PAH: variants seen among roughly 807,000 people sequenced by gnomAD.
PAH encodes phenylalanine hydroxylase.
Under a neutral mutation model 62.0 loss-of-function variants are expected in PAH, and 64 were observed. The ratio of observed to expected loss-of-function variants is 1.03; its 90% confidence interval spans 0.84 to 1.27. The LOEUF (loss-of-function observed/expected upper bound fraction) is 1.27. Ranked by LOEUF, PAH falls within the 50% of genes most tolerant of loss-of-function variation. The pLI is 0.00. For synonymous variants in PAH, 195 were observed against 196.2 expected (o/e 0.99, Z 0.05); for missense variants, 579 against 542.8 (o/e 1.07, Z -0.66).
At position 102,880,061 on chromosome 12, in the gene PAH, A is replaced by G. The variant is rs975720700; in HGVS notation, c.353-2511T>C. 3.9e-5 allele frequency among the ~76,000 whole-genome samples: 6 copies of G among 152,284 alleles called. No individual in the cohort carries two copies. The East Asian group carries it at 1.2e-3, about 29-fold the overall frequency. ...TTATTATCCCGTTTTACAGATGAAGAAACTGAGGAACAATGAGGGCAAGTC... is the reference window on the plus strand; with the variant it reads ...TTATTATCCCGTTTTACAGATGAAGGAACTGAGGAACAATGAGGGCAAGTC... On this transcript the variant is annotated intron_variant, in intron 3 of 12. Transcript: ENST00000553106.
intron 3 of PAH, among the ~76,000 whole-genome samples, chr12:102,880,003 A>G (rs771344156): frequency 2.6e-5 from 4 of 152,108 alleles, no homozygotes; most frequent in Admixed American, 2.0e-4. Context: ...TACCCCCTTC[A>G]ATTTCTGCAA....
chr12:102,932,927 A>T (rs897908261), intron 1 of PAH, among the ~76,000 whole-genome samples: 1 of 152,254 alleles, frequency 6.6e-6, no homozygotes, highest in Non-Finnish European at 1.5e-5. Context: ...GCTTATACTC[A>T]TGGAAAATAG....
In PAH at chr12:102,837,238, A is replaced by G. The variant is rs897217639; in HGVS notation, c.*1937T>C. ...GCACATTACCAAAAATACAAATATT[A>G]TCTTTCATTCAGTATGTAACTTCCT... On this transcript the variant is annotated 3_prime_UTR_variant, in exon 13 of 13. Coordinates refer to ENST00000553106, the MANE Select transcript of PAH (RefSeq NM_000277.3). 1 of 152,226 alleles carries G rather than the reference A, an allele frequency of 6.6e-6. No individual in the cohort carries two copies. Among genetic ancestry groups the G allele is most frequent in the African/African-American group, 2.4e-5 (1 of 41,468 alleles). The allele number at this position is 152,226 out of a possible 1,614,324, so 9.4% of individuals were successfully genotyped here.
rs1131691945 is a variant in PAH at position 102,855,205 on chromosome 12, G to A, written c.637C>T (p.Leu213Phe). The change falls in exon 6 of 13, where the codon CTT (leucine) becomes TTT (phenylalanine). Residue 213 changes from leucine to phenylalanine, a missense_variant. Transcript: ENST00000553106. ...TCATGGAAGCCACAGTACTTTTCAA[G>A]AAGTGGAAAAATGTGATTGTACTCA... ...CYEYNHIFPL[L>F]EKYCGFHEDN... is the part of the protein sequence containing the mutation. 6.2e-7 allele frequency: 1 copy of A among 1,614,168 alleles called. No individual in the cohort carries two copies. Among genetic ancestry groups the A allele is most frequent in the Non-Finnish European group, 8.5e-7 (1 of 1,180,010 alleles).
At chr12:102,893,542 A>G (rs912294956) in intron 3 of PAH, among the ~76,000 whole-genome samples, 4 of 152,236 alleles carry the variant, frequency 2.6e-5, no homozygotes, top group African/African-American at 9.6e-5. Context: ...TAACAACCAC[A>G]TGCTATCATT....
At chr12:102,935,781 C>T (rs1879079220) in intron 1 of PAH, among the ~76,000 whole-genome samples, 1 of 151,556 alleles carries the variant, frequency 6.6e-6, no homozygotes, top group Admixed American at 6.6e-5. Flanking sequence ...GGTCTTCTCC[C>T]TTTTTTTTCT....
At chr12:102,864,251 T>C (rs1383584775) in intron 5 of PAH, among the ~76,000 whole-genome samples, 2 of 152,170 alleles carry the variant, frequency 1.3e-5, no homozygotes, top group Non-Finnish European at 2.9e-5. Flanking sequence ...AATGAAAACC[T>C]GAGGAGATGA....
In PAH at chr12:102,857,486, C is replaced by T. The variant is rs557508368; in HGVS notation, c.510-2154G>A. On this transcript the variant is annotated intron_variant, in intron 5 of 12. Transcript: ENST00000553106. ...AAATACAGAGAATGCCACAAAGATA[C>T]TCCTCGAGAAGAGCAACTCCAAGAC... 1.7e-4 allele frequency among the ~76,000 whole-genome samples: 26 copies of T among 152,300 alleles called. No individual in the cohort carries two copies. In the East Asian group the frequency reaches 4.6e-3, roughly 27 times the overall value.
intron 4 of PAH, among the ~76,000 whole-genome samples, chr12:102,868,063 CAT>C (rs1358776168): frequency 5.1e-5 from 6 of 116,544 alleles, no homozygotes; most frequent in East Asian, 2.3e-4. Context: ...TATATATACA[CAT>C]ATATATACAT....
upstream of PAH, among the ~76,000 whole-genome samples, chr12:102,955,580 T>A (rs1879886335): frequency 6.6e-6 from 1 of 152,160 alleles, no homozygotes; most frequent in African/African-American, 2.4e-5. Flanking sequence ...ATAGAGTGAA[T>A]GGGGCATTAG....
chr12:102,872,785 T>A (rs1323873025), intron 4 of PAH, among the ~76,000 whole-genome samples: 2 of 152,092 alleles, frequency 1.3e-5, no homozygotes, highest in Non-Finnish European at 2.9e-5. Flanking sequence ...TTGGCCAACA[T>A]GACGAAACCC....
intron 3 of PAH, among the ~76,000 whole-genome samples, chr12:102,884,483 C>T (rs1876947666): frequency 6.6e-6 from 1 of 152,232 alleles, no homozygotes; most frequent in South Asian, 2.1e-4. Flanking sequence ...GTTCAAGTCT[C>T]ATCTTTCCCA....
At chr12:102,880,079 G>A (rs953286553) in intron 3 of PAH, among the ~76,000 whole-genome samples, 4 of 152,058 alleles carry the variant, frequency 2.6e-5, no homozygotes, top group African/African-American at 9.7e-5. Context: ...GAACAATGAG[G>A]GCAAGTCTCT....
intron 3 of PAH, among the ~76,000 whole-genome samples, chr12:102,882,222 G>A (rs1425722645): frequency 6.6e-6 from 1 of 152,112 alleles, no homozygotes; most frequent in Non-Finnish European, 1.5e-5. Context: ...AAATTGCCTT[G>A]GCATGGCTCA....
chr12:102,948,786 T>TAA (rs1879608394), intron 1 of PAH, among the ~76,000 whole-genome samples: 4 of 152,176 alleles, frequency 2.6e-5, no homozygotes, highest in Admixed American at 6.5e-5. Context: ...GGTAGCTTGC[T>TAA]AAAAGAGCCA....
rs62508595 is a variant in PAH at position 102,843,776 on chromosome 12, A to C, written c.1069T>G (p.Cys357Gly). Residue 357 changes from cysteine to glycine, a missense_variant, in exon 11 of 13, where the codon TGC becomes GGC. Cys to Gly is a radical substitution (Grantham distance 159). Transcript: ENST00000553106. ...AGAAGCTTTGGCTTCTCTGATAAGC[A>C]GTACTGTAGGCCCCAAGTGAAAAGT... ...LLSSFGELQY[C>G]LSEKPKLLPL... is the part of the protein sequence containing the mutation. 2 of 1,613,720 alleles carry C rather than the reference A, an allele frequency of 1.2e-6. No homozygotes were observed. Among genetic ancestry groups the C allele is most frequent in the East Asian group, 4.5e-5 (2 of 44,874 alleles).
At chr12:102,840,113 C>A (rs969690364) in intron 12 of PAH, among the ~76,000 whole-genome samples, 2 of 151,536 alleles carry the variant, frequency 1.3e-5, no homozygotes, top group African/African-American at 4.9e-5. Flanking sequence ...GATGGAGAGG[C>A]GAGGGAGAAA....
At chr12:102,883,697 G>A (rs1274238138) in intron 3 of PAH, among the ~76,000 whole-genome samples, 2 of 152,176 alleles carry the variant, frequency 1.3e-5, no homozygotes, top group Non-Finnish European at 2.9e-5. Context: ...GCTGCAGGGT[G>A]CTCACCTGAG....
At chr12:102,871,931 AAAAAAAAAAAAAAAAAAAATATAT>A (rs1213763662) in intron 4 of PAH, among the ~76,000 whole-genome samples, 28 of 114,024 alleles carry the variant, frequency 2.5e-4, no homozygotes, top group South Asian at 8.1e-4. Flanking sequence ...TCAAAAAAAA[AAAAAAAAAAAAAAAAAAAATATAT>A]ATATATATAT....
Sources: gnomAD v4.1 joint callset for allele counts (sites outside exome capture counted in the v4.1 genomes callset) on GRCh38, gnomAD v4.1.1 for gene constraint, MANE v1.5 for transcripts, NCBI Gene and HGNC (gene_info 2026-07-23, HGNC 2026-07-21) for gene names.